The following PACRGL variants were observed in gnomAD, a reference collection of about 807,000 sequenced individuals.
PACRGL encodes the protein parkin coregulated like, also known as PACRG-like protein.
Under a neutral mutation model 34.5 loss-of-function variants are expected in PACRGL, and 38 were observed. The ratio of observed to expected loss-of-function variants is 1.10; its 90% CI spans 0.85 to 1.44. The LOEUF is 1.44. PACRGL is among the 40% of genes most tolerant of loss of function. PACRGL has a pLI of 0.00. For synonymous variants in PACRGL, 128 were observed against 100.1 expected, an observed-to-expected ratio of 1.28 and a Z score of -1.66; for missense variants, 305 against 281.4, an observed-to-expected ratio of 1.08 and a Z score of -0.60.
chr4:20,722,069 C>T (rs562567211), intron 7 of PACRGL, among the ~76,000 whole-genome samples: 99 of 152,348 alleles, frequency 6.5e-4, no homozygotes, highest in South Asian at 2.3e-3. Flanking sequence ...CAGTTCTATC[C>T]CAGACTGCTG....
chr4:20,711,713 A>C (rs1737304500), intron 5 of PACRGL, among the ~76,000 whole-genome samples: 1 of 152,122 alleles, frequency 6.6e-6, no homozygotes, highest in Non-Finnish European at 1.5e-5. Context: ...GAAAAAAGTC[A>C]GATGGCCCTT....
downstream of PACRGL, among the ~76,000 whole-genome samples, chr4:20,756,367 T>C (rs1005865289): frequency 6.6e-6 from 1 of 152,202 alleles, no homozygotes; most frequent in African/African-American, 2.4e-5. Flanking sequence ...CGCATCACTA[T>C]CTTTTTCCTC....
At chr4:20,713,088 C>T in intron 6 of PACRGL, 166 bp downstream of exon 6, 1 of 678,630 alleles carries the variant, frequency 1.5e-6, no homozygotes, top group South Asian at 3.2e-5. Flanking sequence ...TTACTCAGGG[C>T]CAGATAACTA....
chr4:20,730,224 C>T lies in PACRGL; in HGVS notation c.*2883C>T, dbSNP rs1560398322. 2.6e-5 allele frequency: 36 copies of T among 1,400,708 alleles called. No homozygotes were observed. Among genetic ancestry groups the T allele is most frequent in the Non-Finnish European group, 3.0e-5 (31 of 1,050,582 alleles). 86.8% of individuals were successfully genotyped at this position (1,400,708 alleles called of 1,614,324 possible). On this transcript the variant is annotated 3_prime_UTR_variant, in exon 9 of 9. Coordinates refer to ENST00000503585, the MANE Select transcript of PACRGL (RefSeq NM_001258345.3). ...GAGTATTGCCTCCTCCCATCAACCA[C>T]CTCAACCACCTATGCCAAAAGCTCA...
chr4:20,761,427 A>G, the PACRGL span, among the ~76,000 whole-genome samples: 1 of 152,224 alleles, frequency 6.6e-6, no homozygotes. Context: ...CTATCTATCT[A>G]GCTGACACCA....
intron 8 of PACRGL, among the ~76,000 whole-genome samples, chr4:20,750,236 T>G (rs1753347827): frequency 1.3e-5 from 2 of 152,238 alleles, no homozygotes; most frequent in Middle Eastern, 3.4e-3. Flanking sequence ...AGTCACACAG[T>G]GAAGAAGGAG....
In PACRGL at chr4:20,729,229, A is replaced by G. The variant is rs1747077521; in HGVS notation, c.*1888A>G. 1 of 152,082 alleles carries G rather than the reference A, an allele frequency of 6.6e-6. No homozygotes were observed. The highest frequency in any genetic ancestry group is 2.4e-5 in the African/African-American group (1 of 41,422). The allele number at this position is 152,082 out of a possible 1,614,324, so 9.4% of individuals were successfully genotyped here. Reference sequence around the variant, plus strand: ...ATTACTTGTTATTAAGCATTACTATATACTGGAGGATAGATATCCTGACCC... The same window carrying G: ...ATTACTTGTTATTAAGCATTACTATGTACTGGAGGATAGATATCCTGACCC... On this transcript the variant is annotated 3_prime_UTR_variant, in exon 9 of 9. Transcript: ENST00000503585.
In PACRGL at chr4:20,700,639, C is replaced by G. The variant is rs560374594; in HGVS notation, c.-165C>G. The G allele has an allele frequency of 2.0e-5, 3 of 152,110 alleles. No individual in the cohort carries two copies. Among genetic ancestry groups the G allele is most frequent in the Admixed American group, 1.3e-4 (2 of 15,272 alleles). 9.4% of individuals were successfully genotyped at this position (152,110 alleles called of 1,614,324 possible). ...ACAGGTGTCCTGTCTGCGCTCTCTG[C>G]CAAGCCGGCTTGCTTCCTGATCTGT... is the stretch of plus-strand genomic sequence containing the variant. On this transcript the variant is annotated 5_prime_UTR_variant, in exon 1 of 9. Transcript: ENST00000503585.
Position 20,704,674 on chromosome 4 carries a change from A to C in PACRGL, c.67A>C (p.Arg23=). 1.2e-6 allele frequency: 2 copies of C among 1,614,116 alleles called. No individual in the cohort carries two copies. Among genetic ancestry groups the C allele is most frequent in the South Asian group, 1.1e-5 (1 of 91,080 alleles). The part of the protein sequence containing the change: ...KNRATGNYDQ[R]TSSSTQLKHR... ...TTTTTTTCCAGGTAACTATGATCAA[A>C]GGACATCATCAAGCACACAGTTAAA... is the stretch of plus-strand genomic sequence containing the variant. The change falls in exon 3 of 9, where the codon AGG becomes CGG. Residue 23 remains arginine (R), a synonymous_variant. Coordinates refer to ENST00000503585, the MANE Select transcript of PACRGL (RefSeq NM_001258345.3).
At chr4:20,748,392 A>G (rs1752824323) in intron 8 of PACRGL, among the ~76,000 whole-genome samples, 1 of 151,750 alleles carries the variant, frequency 6.6e-6, no homozygotes, top group African/African-American at 2.4e-5. Context: ...ACAGTCCATC[A>G]GTTGCACTGA....
intron 8 of PACRGL, among the ~76,000 whole-genome samples, chr4:20,748,571 T>TAA (rs1752898136): frequency 3.3e-5 from 1 of 29,916 alleles, no homozygotes; most frequent in Admixed American, 3.5e-4. Flanking sequence ...TATATATATA[T>TAA]ATATATATAT....
In PACRGL at chr4:20,744,337, T is replaced by C. The variant is rs183946043; in HGVS notation, c.*57-8228T>C. On this transcript the variant is annotated intron_variant, in intron 8 of 8. Coordinates refer to the PACRGL transcript ENST00000507634. Reference sequence around the variant, plus strand: ...ATGTTTATTGCGGCACTATTCACAGTAGCAAAGACTTGGTACCAACCCAAA... The same window carrying C: ...ATGTTTATTGCGGCACTATTCACAGCAGCAAAGACTTGGTACCAACCCAAA... Among the ~76,000 whole-genome samples the C allele has an allele frequency of 2.6e-4, 39 of 152,322 alleles. No homozygotes were observed. The East Asian group carries it at 3.3e-3, about 13-fold the overall frequency.
chr4:20,712,849 T>G lies in PACRGL; in HGVS notation c.428T>G (p.Leu143Arg). 1.2e-6 allele frequency: 2 copies of G among 1,605,404 alleles called. No individual in the cohort carries two copies. The highest frequency in any genetic ancestry group is 1.7e-6 in the Non-Finnish European group (2 of 1,174,844). The change falls in exon 6 of 9, where the codon CTT (leucine) becomes CGT (arginine). Residue 143 changes from leucine (L) to arginine (R), a missense_variant. Leu to Arg is a moderately radical substitution (Grantham distance 102). Coordinates refer to ENST00000503585, the MANE Select transcript of PACRGL (RefSeq NM_001258345.3). ...TCAAAGGAGGGTTTTAGAGAATTAC[T>G]TTTGGTCAAAGGTGCTCCTGAAAAA... is the stretch of plus-strand genomic sequence containing the variant. Reference protein sequence around the residue: ...FVSKEGFRELLLVKGAPEKAI... With the variant: ...FVSKEGFRELRLVKGAPEKAI...
chr4:20,758,547 A>T, the PACRGL span, among the ~76,000 whole-genome samples: 2 of 152,202 alleles, frequency 1.3e-5, no homozygotes, highest in African/African-American at 4.8e-5. Context: ...GAGCACCCTC[A>T]TAATAGTCAG....
At chr4:20,758,389 A>G in the PACRGL span, among the ~76,000 whole-genome samples, 2 of 152,198 alleles carry the variant, frequency 1.3e-5, no homozygotes, top group Non-Finnish European at 2.9e-5. Flanking sequence ...CACTGAGTCA[A>G]TATGTGGCCC....
chr4:20,730,218 C>T lies in PACRGL; in HGVS notation c.*2877C>T. The T allele has an allele frequency of 7.2e-7, 1 of 1,396,844 alleles. No individual in the cohort carries two copies. Among genetic ancestry groups the T allele is most frequent in the South Asian group, 1.6e-5 (1 of 64,088 alleles). The allele number at this position is 1,396,844 out of a possible 1,614,324, so 86.5% of individuals were successfully genotyped here. On this transcript the variant is annotated 3_prime_UTR_variant, in exon 9 of 9. Transcript: ENST00000503585. ...GCCCCTGAGTATTGCCTCCTCCCAT[C>T]AACCACCTCAACCACCTATGCCAAA...
intron 8 of PACRGL, among the ~76,000 whole-genome samples, chr4:20,745,860 G>A (rs1419295039): frequency 1.3e-5 from 2 of 152,138 alleles, no homozygotes; most frequent in African/African-American, 2.4e-5. Context: ...GCATTTGCAT[G>A]TAGTTGCCTT....
intron 7 of PACRGL, 113 bp from the exon 8 acceptor site, chr4:20,724,694 TA>T: frequency 2.1e-6 from 1 of 474,258 alleles, no homozygotes; most frequent in Non-Finnish European, 3.5e-6. Context: ...AGATGCTTCC[TA>T]AAAAAAGCCT....
chr4:20,734,709 C>T, downstream of PACRGL: 1 of 1,586,736 alleles, frequency 6.3e-7, no homozygotes, highest in Non-Finnish European at 8.6e-7. Flanking sequence ...TCCCCCGGAG[C>T]AAAATGGAAA....
Sources: gnomAD v4.1 joint callset for allele counts (sites outside exome capture counted in the v4.1 genomes callset) on GRCh38, gnomAD v4.1.1 for gene constraint, MANE v1.5 for transcripts, NCBI Gene and HGNC (gene_info 2026-07-23, HGNC 2026-07-21) for gene names.